The following EVI5 variants were observed in gnomAD, a reference collection of about 807,000 sequenced individuals.
EVI5 encodes ecotropic viral integration site 5, also known as ecotropic viral integration site 5 protein homolog.
In EVI5, 73 loss-of-function variants were observed where a neutral mutation model predicts 112.0. The observed-to-expected ratio is 0.65, with a 90% CI of 0.54 to 0.79. The LOEUF (loss-of-function observed/expected upper bound fraction) is 0.79, where lower values mean the gene tolerates loss of function less well. Among genes scored for constraint, EVI5 ranks in the 30% least tolerant of loss-of-function variants. The pLI is 0.00. For synonymous variants in EVI5, 305 were observed against 319.9 expected (o/e 0.95, Z 0.50); for missense variants, 900 against 968.8 (o/e 0.93, Z 0.94).
At chr1:92,642,806 T>C (rs1367222245) in intron 13 of EVI5, among the ~76,000 whole-genome samples, 1 of 22,800 alleles carries the variant, frequency 4.4e-5, no homozygotes, top group Non-Finnish European at 7.7e-5. Context: ...AGCCTCCCAT[T>C]AAGTACTTCC....
chr1:92,513,735 A>G lies in EVI5; in HGVS notation c.2402T>C (p.Leu801Pro). 1 of 1,613,754 alleles carries G rather than the reference A, an allele frequency of 6.2e-7. No individual in the cohort carries two copies. The highest frequency in any genetic ancestry group is 2.2e-5 in the East Asian group (1 of 44,870). The change falls in exon 20 of 20, where the codon CTG becomes CCG. Residue 801 changes from leucine to proline, a missense_variant. By Grantham distance (98) the Leu-to-Pro change is moderately conservative. Coordinates refer to ENST00000684568, the MANE Select transcript of EVI5 (RefSeq NM_001350197.2). ...GSESETEDSV[L>P]ETRESNQVVQ... ...CACTTGGTTGCTCTCTCTGGTCTCC[A>G]GCACACTGTCTTCTGTTTCGCTCTC...
chr1:92,639,084 T>G (rs530152644), intron 13 of EVI5, among the ~76,000 whole-genome samples: 8 of 152,262 alleles, frequency 5.3e-5, no homozygotes, highest in Admixed American at 3.3e-4. Context: ...TTTAAAAGCA[T>G]AGAAATGACA....
At chr1:92,548,932 C>G (rs1162176638) in intron 19 of EVI5, among the ~76,000 whole-genome samples, 1 of 151,944 alleles carries the variant, frequency 6.6e-6, no homozygotes, top group Non-Finnish European at 1.5e-5. Context: ...CAAGGTAATT[C>G]ATACATTCAA....
At chr1:92,734,334 T>TC (rs1183463917) in intron 2 of EVI5, among the ~76,000 whole-genome samples, 1 of 152,210 alleles carries the variant, frequency 6.6e-6, no homozygotes, top group Non-Finnish European at 1.5e-5. Flanking sequence ...TTCATTACGG[T>TC]CCGTGTATAA....
intron 18 of EVI5, among the ~76,000 whole-genome samples, chr1:92,579,901 CTATT>C (rs1471911598): frequency 2.0e-5 from 3 of 152,132 alleles, no homozygotes; most frequent in Admixed American, 2.0e-4. Context: ...TTTGTACTAT[CTATT>C]TTACAAATGA....
At chr1:92,712,506 A>G (rs1558128210) in intron 2 of EVI5, among the ~76,000 whole-genome samples, 1 of 152,206 alleles carries the variant, frequency 6.6e-6, no homozygotes, top group Non-Finnish European at 1.5e-5. Flanking sequence ...TCAAGAGACT[A>G]TCTTAGGCTA....
chr1:92,725,214 C>T (rs1479933473), intron 2 of EVI5, among the ~76,000 whole-genome samples: 1 of 152,116 alleles, frequency 6.6e-6, no homozygotes, highest in Non-Finnish European at 1.5e-5. Flanking sequence ...AATCAACCAC[C>T]AGAAAAGATT....
At chr1:92,768,112 A>T (rs922348138) in intron 1 of EVI5, among the ~76,000 whole-genome samples, 1 of 144,434 alleles carries the variant, frequency 6.9e-6, no homozygotes, top group Admixed American at 7.2e-5. Context: ...ATATAAGCAA[A>T]TTTTTTATGC....
At chr1:92,520,562 A>G (rs959352483) in intron 19 of EVI5, among the ~76,000 whole-genome samples, 5 of 152,076 alleles carry the variant, frequency 3.3e-5, no homozygotes, top group African/African-American at 1.2e-4. Context: ...AACACTCAAG[A>G]ATTAGCGGCC....
At chr1:92,586,641 T>TGC (rs1553192602) in intron 18 of EVI5, among the ~76,000 whole-genome samples, 2 of 144,214 alleles carry the variant, frequency 1.4e-5, no homozygotes, top group African/African-American at 2.6e-5. Flanking sequence ...TGTGTGTGTG[T>TGC]GCATTTTGAG....
At chr1:92,778,779 AC>A (rs1431727529) in intron 1 of EVI5, among the ~76,000 whole-genome samples, 33 of 152,222 alleles carry the variant, frequency 2.2e-4, no homozygotes, top group Admixed American at 2.2e-3. Context: ...TGGGAGTGAG[AC>A]AACAGAAGAA....
At chr1:92,788,294 AC>A (rs2103149715), upstream of EVI5, among the ~76,000 whole-genome samples, 1 of 150,408 alleles carries the variant, frequency 6.6e-6, no homozygotes, top group African/African-American at 2.4e-5. Context: ...ACACAGTGAA[AC>A]CCCATCTCTA....
At chr1:92,561,621 C>G (rs1557790501) in intron 19 of EVI5, among the ~76,000 whole-genome samples, 24 of 128,338 alleles carry the variant, frequency 1.9e-4, no homozygotes, top group Non-Finnish European at 3.5e-4. Flanking sequence ...ATCTATCTAT[C>G]TATCTATCTA....
intron 1 of EVI5, among the ~76,000 whole-genome samples, chr1:92,740,989 T>G (rs1418807750): frequency 6.6e-6 from 1 of 152,164 alleles, no homozygotes; most frequent in Non-Finnish European, 1.5e-5. Context: ...ACTCCCACTG[T>G]ATGGTGCCAG....
intron 2 of EVI5, among the ~76,000 whole-genome samples, chr1:92,725,743 A>T (rs1192896922): frequency 2.7e-5 from 4 of 150,906 alleles, no homozygotes; most frequent in Admixed American, 6.6e-5. Flanking sequence ...AAAATCGGGC[A>T]TGCAAAGCAG....
chr1:92,736,580 C>A lies in EVI5; in HGVS notation c.-34G>T. ...CTGTATGCGATACTGTGTTCTTCAC[C>A]CATGAGAGAGTAGAGCTCAGCTTTT... is the stretch of plus-strand genomic sequence containing the variant. On this transcript the variant is annotated 5_prime_UTR_variant, in exon 2 of 20. Transcript: ENST00000684568. 1 of 1,613,974 alleles carries A rather than the reference C, an allele frequency of 6.2e-7. No homozygotes were observed. Among genetic ancestry groups the A allele is most frequent in the Non-Finnish European group, 8.5e-7 (1 of 1,179,924 alleles).
intron 1 of EVI5, among the ~76,000 whole-genome samples, chr1:92,745,887 G>A (rs1486664571): frequency 1.3e-5 from 2 of 152,186 alleles, no homozygotes; most frequent in Non-Finnish European, 2.9e-5. Context: ...GAATCTTCTT[G>A]ATGACCTGAA....
At chr1:92,716,435 A>G (rs1434404381) in intron 2 of EVI5, among the ~76,000 whole-genome samples, 2 of 152,232 alleles carry the variant, frequency 1.3e-5, no homozygotes, top group Non-Finnish European at 2.9e-5. Flanking sequence ...ATCAACAAAA[A>G]GGACATCCAC....
intron 2 of EVI5, among the ~76,000 whole-genome samples, chr1:92,717,365 C>T (rs1210035635): frequency 6.6e-6 from 1 of 152,166 alleles, no homozygotes; most frequent in Admixed American, 6.5e-5. Context: ...ACTCTACAAG[C>T]CAGAAGAGAG....
Sources: gnomAD v4.1 joint callset for allele counts (sites outside exome capture counted in the v4.1 genomes callset) on GRCh38, gnomAD v4.1.1 for gene constraint, MANE v1.5 for transcripts, NCBI Gene and HGNC (gene_info 2026-07-23, HGNC 2026-07-21) for gene names.